Variants in QTMAN observed in about 807,000 individuals in gnomAD.
QTMAN encodes tRNA-queuosine alpha-mannosyltransferase.
the QTMAN span, among the ~76,000 whole-genome samples, chr2:144,263,867 A>C: frequency 6.6e-6 from 1 of 152,214 alleles, no homozygotes; most frequent in African/African-American, 2.4e-5. Context: ...GGTCCACCTA[A>C]ATATAAAAAA....
At chr2:144,151,548 A>T in the QTMAN span, among the ~76,000 whole-genome samples, 1 of 152,146 alleles carries the variant, frequency 6.6e-6, no homozygotes, top group East Asian at 1.9e-4. Flanking sequence ...GAGTGTTACC[A>T]AGTGGCCTGA....
chr2:144,290,335 C>A, the QTMAN span, among the ~76,000 whole-genome samples: 1 of 152,174 alleles, frequency 6.6e-6, no homozygotes, highest in Non-Finnish European at 1.5e-5. Flanking sequence ...CTACTAATAA[C>A]ATATATATCC....
the QTMAN span, among the ~76,000 whole-genome samples, chr2:144,260,607 A>G: frequency 6.6e-6 from 1 of 152,046 alleles, no homozygotes; most frequent in African/African-American, 2.4e-5. Flanking sequence ...CATTTATTCA[A>G]TCAGTAACTA....
chr2:144,007,077 C>A, the QTMAN span: 1 of 701,308 alleles, frequency 1.4e-6, no homozygotes, highest in East Asian at 2.8e-5. Context: ...TTAAAATAAT[C>A]TTTTTCTAAA....
chr2:144,238,660 A>C, the QTMAN span, among the ~76,000 whole-genome samples: 492 of 152,260 alleles, frequency 3.2e-3, 2 homozygotes, highest in African/African-American at 0.011. Flanking sequence ...AACGTGCACT[A>C]TCTGGTTTCT....
At chr2:144,314,507 T>A in the QTMAN span, among the ~76,000 whole-genome samples, 3 of 152,164 alleles carry the variant, frequency 2.0e-5, no homozygotes, top group East Asian at 3.9e-4. Context: ...GGTCAGGAGA[T>A]CGAGACCATC....
At chr2:144,142,405 GC>G in the QTMAN span, among the ~76,000 whole-genome samples, 1 of 151,542 alleles carries the variant, frequency 6.6e-6, no homozygotes, top group Non-Finnish European at 1.5e-5. Context: ...TTTCTTCGTG[GC>G]CCAGCTACCC....
chr2:144,061,368 C>T, the QTMAN span, among the ~76,000 whole-genome samples: 1 of 152,160 alleles, frequency 6.6e-6, no homozygotes, highest in Non-Finnish European at 1.5e-5. Context: ...TACAAGTTCC[C>T]TCCATTATTG....
At chr2:143,965,957 G>C in the QTMAN span, among the ~76,000 whole-genome samples, 1 of 152,210 alleles carries the variant, frequency 6.6e-6, no homozygotes, top group East Asian at 1.9e-4. Context: ...CAATGAAATA[G>C]TTGTCCCTTA....
the QTMAN span, among the ~76,000 whole-genome samples, chr2:144,125,376 T>A: frequency 6.6e-6 from 1 of 152,122 alleles, no homozygotes; most frequent in South Asian, 2.1e-4. Flanking sequence ...CTTCTAAGAC[T>A]GGAGGTGTTA....
the QTMAN span, among the ~76,000 whole-genome samples, chr2:144,129,878 G>A: frequency 6.6e-6 from 1 of 151,880 alleles, no homozygotes; most frequent in Non-Finnish European, 1.5e-5. Flanking sequence ...CTAGTTTCAT[G>A]AGAACACTTA....
chr2:143,992,027 A>G, the QTMAN span, among the ~76,000 whole-genome samples: 4 of 152,156 alleles, frequency 2.6e-5, no homozygotes, highest in Admixed American at 6.6e-5. Context: ...CCCCGTCTGG[A>G]AGGTGTGCCC....
the QTMAN span, among the ~76,000 whole-genome samples, chr2:144,061,237 C>T: frequency 6.6e-6 from 1 of 152,118 alleles, no homozygotes; most frequent in Non-Finnish European, 1.5e-5. Flanking sequence ...TTATTTTGTC[C>T]AGGAACTCTC....
chr2:144,151,098 G>T, the QTMAN span, among the ~76,000 whole-genome samples: 1 of 152,058 alleles, frequency 6.6e-6, no homozygotes, highest in African/African-American at 2.4e-5. Flanking sequence ...AGGAAGAGCT[G>T]GAAGGATTTT....
At chr2:144,213,546 T>C in the QTMAN span, among the ~76,000 whole-genome samples, 7 of 152,154 alleles carry the variant, frequency 4.6e-5, no homozygotes, top group African/African-American at 1.4e-4. Context: ...ATCAGAGGAA[T>C]TGTTGTATTA....
the QTMAN span, among the ~76,000 whole-genome samples, chr2:143,982,439 C>T: frequency 1.3e-5 from 2 of 150,702 alleles, no homozygotes; most frequent in Non-Finnish European, 3.0e-5. Context: ...ACCATGTTGG[C>T]CAGGCTGGTT....
the QTMAN span, among the ~76,000 whole-genome samples, chr2:143,993,761 G>A: frequency 2.0e-5 from 3 of 152,154 alleles, no homozygotes; most frequent in African/African-American, 7.2e-5. Flanking sequence ...CAAGTTGGTG[G>A]TAATTTGTTA....
the QTMAN span, among the ~76,000 whole-genome samples, chr2:144,117,046 C>T: frequency 6.6e-6 from 1 of 152,160 alleles, no homozygotes; most frequent in African/African-American, 2.4e-5. Context: ...CTGGTGAATA[C>T]CGGTCTCTAT....
At chr2:143,952,568 C>T in the QTMAN span, among the ~76,000 whole-genome samples, 1 of 151,386 alleles carries the variant, frequency 6.6e-6, no homozygotes, top group Non-Finnish European at 1.5e-5. Flanking sequence ...TATTTGAAAA[C>T]TTGCTTTTTT....
Sources: allele counts gnomAD v4.1 joint callset (sites outside exome capture counted in the v4.1 genomes callset), GRCh38; gene constraint gnomAD v4.1.1; transcripts MANE v1.5; gene names NCBI Gene and HGNC (gene_info 2026-07-23, HGNC 2026-07-21).